GABRA4: variants seen among roughly 807,000 people sequenced by gnomAD.
GABRA4 encodes gamma-aminobutyric acid type A receptor subunit alpha4.
Under a neutral mutation model 49.7 loss-of-function variants are expected in GABRA4, and 12 were observed. The observed-to-expected ratio is 0.24, with a 90% CI of 0.15 to 0.39. GABRA4 has a LOEUF of 0.39. GABRA4 is among the 10% of genes least tolerant of loss of function. The probability of loss-of-function intolerance (pLI) is 1.00; values close to 1 mark genes in which losing one functional copy is unlikely to be tolerated. For missense variants in GABRA4, 506 were observed against 686.0 expected (o/e 0.74, Z 2.93); for synonymous variants, 288 against 240.2 (o/e 1.20, Z -1.84).
chr4:46,976,354 CA>C (rs71193888), intron 5 of GABRA4, among the ~76,000 whole-genome samples: 2,353 of 51,618 alleles, frequency 0.046, 8 homozygotes, highest in Middle Eastern at 0.071. Context: ...CACCCATTCT[CA>C]AAAAAAAAAA....
intron 8 of GABRA4, among the ~76,000 whole-genome samples, chr4:46,963,798 G>A (rs892194805): frequency 4.6e-5 from 7 of 151,734 alleles, no homozygotes; most frequent in African/African-American, 1.7e-4. Context: ...CAAAAGGCAG[G>A]CAATAGCAAA....
intron 5 of GABRA4, among the ~76,000 whole-genome samples, chr4:46,976,703 G>C (rs1053579428): frequency 1.3e-5 from 2 of 151,272 alleles, no homozygotes; most frequent in Admixed American, 1.3e-4. Context: ...GAAGTGATAT[G>C]TGTTATAATT....
intron 8 of GABRA4, among the ~76,000 whole-genome samples, chr4:46,933,654 C>G (rs973188530): frequency 2.6e-5 from 4 of 152,156 alleles, no homozygotes; most frequent in Non-Finnish European, 4.4e-5. Context: ...TGGCACACGA[C>G]TCACTGGGAA....
At chr4:46,954,435 T>C (rs952412715) in intron 8 of GABRA4, among the ~76,000 whole-genome samples, 14 of 151,838 alleles carry the variant, frequency 9.2e-5, no homozygotes, top group Non-Finnish European at 2.1e-4. Context: ...CAGGCGCCTG[T>C]AATCCCAGCT....
rs1483284634 is a variant in GABRA4 at position 46,925,522 on chromosome 4, A to G, written c.*2703T>C. On this transcript the variant is annotated 3_prime_UTR_variant, in exon 9 of 9. Transcript: ENST00000264318. ...TTCTCAGCCAAAATTATTCATTATT[A>G]TTCATAGATAACCAGAACTTTGGGT... 1.3e-5 allele frequency: 2 copies of G among 151,706 alleles called. No homozygotes were observed. The highest frequency in any genetic ancestry group is 4.8e-5 in the African/African-American group (2 of 41,386). The allele number at this position is 151,706 out of a possible 1,614,324, so 9.4% of individuals were successfully genotyped here. A position where few individuals can be genotyped will look rare whatever the true frequency, so the allele number is the denominator to read the frequency against.
At chr4:46,983,106 G>C (rs1256842443) in intron 2 of GABRA4, among the ~76,000 whole-genome samples, 1 of 152,060 alleles carries the variant, frequency 6.6e-6, no homozygotes, top group Non-Finnish European at 1.5e-5. Flanking sequence ...TGAGTTCACA[G>C]AGATTAAATA....
intron 2 of GABRA4, among the ~76,000 whole-genome samples, chr4:46,988,073 C>A (rs1723605355): frequency 6.6e-6 from 1 of 152,124 alleles, no homozygotes; most frequent in Non-Finnish European, 1.5e-5. Context: ...CAGACCTTTG[C>A]ACTTAATTGC....
At chr4:46,980,166 T>C (rs906089391) in intron 2 of GABRA4, among the ~76,000 whole-genome samples, 13 of 152,114 alleles carry the variant, frequency 8.5e-5, no homozygotes, top group African/African-American at 3.1e-4. Context: ...TGCTCAATAA[T>C]GACAGTAGTC....
intron 7 of GABRA4, 142 bp downstream of exon 7, chr4:46,970,941 G>A (rs1010770718): frequency 1.4e-6 from 1 of 722,854 alleles, no homozygotes; most frequent in Non-Finnish European, 2.2e-6. Flanking sequence ...CTTTGTACTG[G>A]CTAGATAAAA....
intron 8 of GABRA4, among the ~76,000 whole-genome samples, chr4:46,953,168 A>G (rs1722231185): frequency 6.6e-6 from 1 of 152,100 alleles, no homozygotes; most frequent in African/African-American, 2.4e-5. Context: ...AACTCATGAT[A>G]TTCATAATAA....
At chr4:46,990,931 C>T (rs1407876732) in intron 2 of GABRA4, among the ~76,000 whole-genome samples, 2 of 152,218 alleles carry the variant, frequency 1.3e-5, no homozygotes, top group African/African-American at 2.4e-5. Context: ...ATAATCCCAG[C>T]ACTTTGGGAG....
chr4:46,949,527 C>G (rs1274767383), intron 8 of GABRA4, among the ~76,000 whole-genome samples: 1 of 151,904 alleles, frequency 6.6e-6, no homozygotes, highest in Non-Finnish European at 1.5e-5. Context: ...ATCAAACTAT[C>G]CATTGTAGAT....
At chr4:46,962,492 T>C (rs563185224) in intron 8 of GABRA4, among the ~76,000 whole-genome samples, 7 of 152,058 alleles carry the variant, frequency 4.6e-5, no homozygotes, top group African/African-American at 1.7e-4. Flanking sequence ...TTTATGTTCA[T>C]GGATTGGAAG....
At chr4:46,956,764 A>C (rs1722382159) in intron 8 of GABRA4, among the ~76,000 whole-genome samples, 1 of 152,018 alleles carries the variant, frequency 6.6e-6, no homozygotes, top group Admixed American at 6.6e-5. Flanking sequence ...ACTTTTTGAA[A>C]ACTGGGGAAA....
At chr4:46,983,683 A>G (rs1299934459) in intron 2 of GABRA4, among the ~76,000 whole-genome samples, 1 of 152,116 alleles carries the variant, frequency 6.6e-6, no homozygotes, top group Non-Finnish European at 1.5e-5. Context: ...ATTAAGAATA[A>G]TTCTTAGAGA....
Position 46,923,421 on chromosome 4 carries a change from T to C in GABRA4, c.*4804A>G, listed in dbSNP as rs1006619357. The stretch of plus-strand genomic sequence containing the variant: ...CTTCTACATTTATAAAACTCTGTCT[T>C]TTAATCAAGCAATCTACTCTTCTAG... On this transcript the variant is annotated 3_prime_UTR_variant, in exon 9 of 9. Transcript: ENST00000264318. The C allele has an allele frequency of 6.6e-6, 1 of 152,174 alleles. No individual in the cohort carries two copies. The highest frequency in any genetic ancestry group is 6.6e-5 in the Admixed American group (1 of 15,260). The allele number at this position is 152,174 out of a possible 1,614,324, so 9.4% of individuals were successfully genotyped here. A position where few individuals can be genotyped will look rare whatever the true frequency, so the allele number is the denominator to read the frequency against.
At chr4:46,930,897 G>T (rs769303854) in intron 8 of GABRA4, among the ~76,000 whole-genome samples, 1 of 151,436 alleles carries the variant, frequency 6.6e-6, no homozygotes, top group Non-Finnish European at 1.5e-5. Context: ...CATAATCACC[G>T]AGAGGGAAGA....
chr4:46,964,879 A>G (rs1722697515), intron 8 of GABRA4, 91 bp downstream of exon 8: 1 of 1,333,382 alleles, frequency 7.5e-7, no homozygotes, highest in Admixed American at 2.4e-5. Context: ...AGTTGATATC[A>G]GGATTTTTAA....
chr4:46,954,299 G>A (rs959397021), intron 8 of GABRA4, among the ~76,000 whole-genome samples: 26 of 152,086 alleles, frequency 1.7e-4, no homozygotes, highest in Non-Finnish European at 7.4e-5. Flanking sequence ...GCTCATTCCT[G>A]TAATCCCAGC....
Sources: gnomAD v4.1 joint callset for allele counts (sites outside exome capture counted in the v4.1 genomes callset) on GRCh38, gnomAD v4.1.1 for gene constraint, MANE v1.5 for transcripts, NCBI Gene and HGNC (gene_info 2026-07-23, HGNC 2026-07-21) for gene names.